The following ANKRD30BL variants were observed in gnomAD, a reference collection of about 807,000 sequenced individuals.
The protein encoded by ANKRD30BL is ankyrin repeat domain 30B like, also known as putative ankyrin repeat domain-containing protein 30B-like.
Under a neutral mutation model 18.4 loss-of-function variants are expected in ANKRD30BL, and 20 were observed. The observed-to-expected ratio is 1.09, with a 90% CI of 0.77 to 1.58. The LOEUF is 1.58. ANKRD30BL is among the 40% of genes most tolerant of loss of function. The pLI is 0.00. For synonymous variants in ANKRD30BL, 72 were observed against 100.9 expected (o/e 0.71, Z 1.72); for missense variants, 224 against 268.6 (o/e 0.83, Z 1.16).
intron 1 of ANKRD30BL, among the ~76,000 whole-genome samples, chr2:132,256,445 C>T (rs1183892895): frequency 6.6e-6 from 1 of 152,240 alleles, no homozygotes; most frequent in African/African-American, 2.4e-5. Flanking sequence ...TGTGCGGCAG[C>T]CGCGAGGGAC....
chr2:132,192,625 G>C (rs1384358916), intron 1 of ANKRD30BL, among the ~76,000 whole-genome samples: 20 of 151,198 alleles, frequency 1.3e-4, no homozygotes, highest in African/African-American at 4.7e-4. Context: ...ATGAGAGCAA[G>C]TGGATAAGTT....
chr2:132,204,467 GTATGTATATATAGTATGTATA>G (rs1679171343), intron 1 of ANKRD30BL, among the ~76,000 whole-genome samples: 1 of 43,416 alleles, frequency 2.3e-5, no homozygotes, highest in Non-Finnish European at 4.5e-5. Context: ...GTGTATGTAT[GTATGTATATATAGTATGTATA>G]TATGTATATA....
At chr2:132,209,264 T>A (rs868587942) in intron 1 of ANKRD30BL, among the ~76,000 whole-genome samples, 7 of 152,064 alleles carry the variant, frequency 4.6e-5, no homozygotes, top group African/African-American at 1.7e-4. Context: ...TTCTTTTAAT[T>A]GAGCAGTTTT....
At chr2:132,213,899 G>C (rs1231505620) in intron 1 of ANKRD30BL, among the ~76,000 whole-genome samples, 1 of 151,890 alleles carries the variant, frequency 6.6e-6, no homozygotes, top group Non-Finnish European at 1.5e-5. Context: ...CATTTCTTTT[G>C]ATTAAGCAGC....
intron 1 of ANKRD30BL, among the ~76,000 whole-genome samples, chr2:132,204,269 G>A (rs2104750380): frequency 6.6e-6 from 1 of 151,944 alleles, no homozygotes; most frequent in East Asian, 1.9e-4. Context: ...GCACAGGTTT[G>A]TGAAGGAAAA....
intron 1 of ANKRD30BL, among the ~76,000 whole-genome samples, chr2:132,207,838 C>T (rs1291100194): frequency 1.3e-5 from 2 of 152,034 alleles, no homozygotes; most frequent in African/African-American, 4.8e-5. Flanking sequence ...GAGAAGGCAA[C>T]GTGGCATACA....
rs145571217 is a variant in ANKRD30BL at position 132,157,627 on chromosome 2, G to C, written c.219-204C>G. On this transcript the variant is annotated intron_variant, in intron 1 of 5. Transcript: ENST00000409867. The stretch of plus-strand genomic sequence containing the variant: ...AAGAGTGCCTGTTTGAACAGAAAGA[G>C]CTTGGCCTTTGGATTCAGTTCAACT... Among the ~76,000 whole-genome samples, 638 of 152,216 alleles carry C rather than the reference G, an allele frequency of 4.2e-3. 3 individuals carry two copies. Among genetic ancestry groups the C allele is most frequent in the African/African-American group, 0.015 (615 of 41,520 alleles).
chr2:132,162,621 G>A (rs1211787331), upstream of ANKRD30BL, among the ~76,000 whole-genome samples: 1 of 152,230 alleles, frequency 6.6e-6, no homozygotes, highest in Non-Finnish European at 1.5e-5. Context: ...GCGCGGACAG[G>A]TTCGGGGGTT....
intron 1 of ANKRD30BL, among the ~76,000 whole-genome samples, chr2:132,212,173 C>T (rs1316685767): frequency 1.3e-5 from 2 of 151,468 alleles, no homozygotes; most frequent in Non-Finnish European, 2.9e-5. Context: ...TATTTAGCTG[C>T]TTTCAAATAT....
chr2:132,156,192 G>T (rs1687899727), intron 3 of ANKRD30BL: 1 of 151,946 alleles, frequency 6.6e-6, no homozygotes, highest in Non-Finnish European at 1.5e-5. Context: ...TATTTTTTCT[G>T]CAATATGCAT....
At chr2:132,220,100 C>T (rs1324695405) in intron 1 of ANKRD30BL, among the ~76,000 whole-genome samples, 2 of 152,216 alleles carry the variant, frequency 1.3e-5, no homozygotes, top group East Asian at 1.9e-4. Context: ...TTTTGATACA[C>T]TCTTTTAGTA....
intron 1 of ANKRD30BL, among the ~76,000 whole-genome samples, chr2:132,191,874 T>C (rs534193481): frequency 1.1e-3 from 161 of 151,980 alleles, no homozygotes; most frequent in Non-Finnish European, 1.9e-3. Context: ...CCTGAGTAGC[T>C]GGGACTACAG....
At chr2:132,238,533 G>A (rs1680224593) in intron 1 of ANKRD30BL, among the ~76,000 whole-genome samples, 1 of 151,914 alleles carries the variant, frequency 6.6e-6, no homozygotes, top group Non-Finnish European at 1.5e-5. Context: ...CGTTTTCATG[G>A]AGCTGTTATG....
At chr2:132,166,432 G>T (rs115385013), upstream of ANKRD30BL, among the ~76,000 whole-genome samples, 3 of 151,766 alleles carry the variant, frequency 2.0e-5, no homozygotes, top group Non-Finnish European at 4.4e-5. Flanking sequence ...GGAAACATTG[G>T]GGGGGTGAGG....
chr2:132,237,041 T>C (rs199626358), intron 1 of ANKRD30BL, among the ~76,000 whole-genome samples: 22 of 151,164 alleles, frequency 1.5e-4, no homozygotes, highest in African/African-American at 4.9e-4. Context: ...AACCAAACAC[T>C]GCATATTCTC....
At chr2:132,149,444 T>G (rs1211407962) in intron 5 of ANKRD30BL, among the ~76,000 whole-genome samples, 1 of 152,188 alleles carries the variant, frequency 6.6e-6, no homozygotes, top group Non-Finnish European at 1.5e-5. Context: ...GAGACCTTGT[T>G]GGTACAAGAC....
At chr2:132,224,611 G>A (rs1679790985) in intron 1 of ANKRD30BL, among the ~76,000 whole-genome samples, 1 of 152,124 alleles carries the variant, frequency 6.6e-6, no homozygotes, top group African/African-American at 2.4e-5. Context: ...CATTTTGAGA[G>A]CTTTGTGGCC....
At chr2:132,194,110 T>A (rs1678916614) in intron 1 of ANKRD30BL, among the ~76,000 whole-genome samples, 2 of 151,944 alleles carry the variant, frequency 1.3e-5, no homozygotes, top group Non-Finnish European at 2.9e-5. Flanking sequence ...TCCGATACTC[T>A]CTCTCTCTAT....
intron 1 of ANKRD30BL, among the ~76,000 whole-genome samples, chr2:132,248,751 C>T (rs1246983478): frequency 6.6e-6 from 1 of 152,066 alleles, no homozygotes. Context: ...AAAACAGCTT[C>T]TCAGAAACAT....
Sources: gnomAD v4.1 joint callset for allele counts (sites outside exome capture counted in the v4.1 genomes callset) on GRCh38, gnomAD v4.1.1 for gene constraint, MANE v1.5 for transcripts, NCBI Gene and HGNC (gene_info 2026-07-23, HGNC 2026-07-21) for gene names.